Variants in DENND10 observed in about 807,000 individuals in gnomAD.
DENND10 encodes the protein DENN domain containing 10.
In DENND10, 24 loss-of-function variants were observed where a neutral mutation model predicts 43.6. That is an observed-to-expected ratio of 0.55 (90% confidence interval 0.40 to 0.77). DENND10 has a LOEUF of 0.77. Ranked by LOEUF, DENND10 falls within the 30% of genes least tolerant of loss-of-function variation. DENND10 has a pLI of 0.00. For synonymous variants in DENND10, 125 were observed against 157.6 expected, an observed-to-expected ratio of 0.79 and a Z score of 1.55; for missense variants, 303 against 429.9, an observed-to-expected ratio of 0.70 and a Z score of 2.61.
rs397845392 is a variant in DENND10 at position 119,115,382 on chromosome 10, A to ATTTTTTTTTTTTTTTTTTT, written c.333-2132_333-2114dup. ...CGTCAAGTTGTGAATTGAATTGGTA[A>ATTTTTTTTTTTTTTTTTTT]TTTTTTTTTTTTTTTTTTTTTTTGA... is the stretch of plus-strand genomic sequence containing the variant. On this transcript the variant is annotated intron_variant, in intron 3 of 8. Transcript: ENST00000361432. Among the ~76,000 whole-genome samples, 38 of 48,412 alleles carry ATTTTTTTTTTTTTTTTTTT rather than the reference A, an allele frequency of 7.8e-4. 5 individuals are homozygous for ATTTTTTTTTTTTTTTTTTT. Among genetic ancestry groups the ATTTTTTTTTTTTTTTTTTT allele is most frequent in the Admixed American group, 1.4e-3 (4 of 2,832 alleles). The allele number at this position is 48,412 out of a possible 152,430, so 31.8% of individuals were successfully genotyped here.
chr10:119,111,956 A>G (rs1180773078), intron 3 of DENND10, 28 bp downstream of exon 3: 1 of 1,502,016 alleles, frequency 6.7e-7, no homozygotes, highest in Non-Finnish European at 9.3e-7. Flanking sequence ...ATTAAATGCT[A>G]ATATACAAAA....
intron 7 of DENND10, among the ~76,000 whole-genome samples, chr10:119,130,496 C>T (rs553798813): frequency 3.2e-4 from 48 of 152,248 alleles, no homozygotes; most frequent in African/African-American, 1.1e-3. Flanking sequence ...CAGGGTTTCA[C>T]CATGTCGGCC....
Position 119,132,654 on chromosome 10 carries a change from T to A in DENND10, c.897+45T>A. ...ACTTACTGAAAGTCCTGACCCGGTGTCGCTGGGTGGTGTGCGGCAGAGCTG... is the reference window on the plus strand; with the variant it reads ...ACTTACTGAAAGTCCTGACCCGGTGACGCTGGGTGGTGTGCGGCAGAGCTG... On this transcript the variant is annotated intron_variant, in intron 8 of 8. Coordinates refer to ENST00000361432, the MANE Select transcript of DENND10 (RefSeq NM_207009.4). The surrounding 1 kb of genome is among the most constrained non-coding windows in gnomAD (Gnocchi z 4.2). The A allele has an allele frequency of 6.7e-6, 10 of 1,485,128 alleles. No individual in the cohort carries two copies. Among genetic ancestry groups the A allele is most frequent in the Non-Finnish European group, 8.5e-6 (9 of 1,061,984 alleles). The allele number at this position is 1,485,128 out of a possible 1,614,324, so 92.0% of individuals were successfully genotyped here.
chr10:119,137,331 AT>A lies in DENND10; in HGVS notation c.*687del, dbSNP rs755341036. ...GGCAAACGTTCAGCCATTAGCACTC[AT>A]TTAACCCTGTTAGCAATATTCTTTT... On this transcript the variant is annotated 3_prime_UTR_variant, in exon 9 of 9. Coordinates refer to ENST00000361432, the MANE Select transcript of DENND10 (RefSeq NM_207009.4). 1.4e-4 allele frequency: 23 copies of A among 162,628 alleles called. No homozygotes were observed. The South Asian group carries it at 2.5e-3, about 17-fold the overall frequency. 10.1% of individuals were successfully genotyped at this position (162,628 alleles called of 1,614,324 possible).
Position 119,136,566 on chromosome 10 carries a change from G to A in DENND10, c.993G>A (p.Ala331=), listed in dbSNP as rs758440914. 1.1e-5 allele frequency: 18 copies of A among 1,582,564 alleles called. 1 individual carries two copies. The highest frequency in any genetic ancestry group is 2.3e-5 in the South Asian group (2 of 86,248). The part of the protein sequence containing the change: ...DGEKRVLNLE[A]LKQKRFPPAT... ...AAAAGAGAGTCCTTAATTTGGAGGC[G>A]CTAAAGCAAAAACGATTTCCACCAG... Residue 331 remains alanine (A), a synonymous_variant, in exon 9 of 9, where the codon GCG becomes GCA. Coordinates refer to ENST00000361432, the MANE Select transcript of DENND10 (RefSeq NM_207009.4).
chr10:119,112,808 T>C lies in DENND10; in HGVS notation c.332+880T>C, dbSNP rs147109467. ...ACTCTTTTTTTATGTGTTAAAGATA[T>C]TAGCTCTTTCTTAATGATGAAGGCT... On this transcript the variant is annotated intron_variant, in intron 3 of 8. Transcript: ENST00000361432. Among the ~76,000 whole-genome samples, 152 of 148,624 alleles carry C rather than the reference T, an allele frequency of 1.0e-3. No homozygotes were observed. In the East Asian group the frequency reaches 0.029, roughly 28 times the overall value.
chr10:119,111,090 G>A (rs374006726), intron 2 of DENND10, among the ~76,000 whole-genome samples: 3 of 151,640 alleles, frequency 2.0e-5, no homozygotes, highest in Admixed American at 6.6e-5. Context: ...GTGAAACACT[G>A]TCTCTACTGA....
At chr10:119,119,151 T>A (rs1393523002) in intron 4 of DENND10, among the ~76,000 whole-genome samples, 2 of 152,146 alleles carry the variant, frequency 1.3e-5, no homozygotes, top group Non-Finnish European at 2.9e-5. Context: ...ATTACAGGCA[T>A]GTGCCACCAC....
intron 1 of DENND10, among the ~76,000 whole-genome samples, 178 bp from the exon 2 acceptor site, chr10:119,107,790 A>G (rs759613409): frequency 6.6e-6 from 1 of 152,226 alleles, no homozygotes; most frequent in Admixed American, 6.6e-5. Context: ...ATTCAGGATC[A>G]TGACAGCTAG....
In DENND10 at chr10:119,111,246, C is replaced by T. The variant is rs547388418; in HGVS notation, c.253-603C>T. ...TTACACCACTGCACTCCAGCCTGGGCGACAGAGCAAATGTCCCAAAAAAAA... is the reference window on the plus strand; with the variant it reads ...TTACACCACTGCACTCCAGCCTGGGTGACAGAGCAAATGTCCCAAAAAAAA... On this transcript the variant is annotated intron_variant, in intron 2 of 8. Transcript: ENST00000361432. Among the ~76,000 whole-genome samples, 19 of 120,396 alleles carry T rather than the reference C, an allele frequency of 1.6e-4. No individual in the cohort carries two copies. In the South Asian group the frequency reaches 4.8e-3, roughly 30 times the overall value. The allele number at this position is 120,396 out of a possible 152,430, so 79.0% of individuals were successfully genotyped here.
intron 2 of DENND10, among the ~76,000 whole-genome samples, chr10:119,111,513 T>C (rs1844975284): frequency 6.6e-6 from 1 of 152,064 alleles, no homozygotes; most frequent in Middle Eastern, 3.4e-3. Flanking sequence ...GTTGCTAAAT[T>C]GGTGAGTCTG....
intron 7 of DENND10, among the ~76,000 whole-genome samples, chr10:119,130,527 G>C (rs1431151006): frequency 1.3e-5 from 2 of 152,156 alleles, no homozygotes; most frequent in Non-Finnish European, 2.9e-5. Context: ...CGAATTCCTA[G>C]CCTCAAGTGA....
intron 7 of DENND10, among the ~76,000 whole-genome samples, chr10:119,129,940 A>C (rs1846006814): frequency 1.3e-5 from 2 of 152,138 alleles, no homozygotes. Context: ...TATTTTCTTA[A>C]TTTTGAAATG....
chr10:119,111,756 T>G (rs1485360083), intron 2 of DENND10, 93 bp from the exon 3 acceptor site: 4 of 962,112 alleles, frequency 4.2e-6, no homozygotes, highest in Non-Finnish European at 6.5e-6. Context: ...AATACTGTTG[T>G]GTCTTATACA....
At chr10:119,105,544 C>G (rs1047223141) in intron 1 of DENND10, 11 of 1,147,868 alleles carry the variant, frequency 9.6e-6, no homozygotes, top group Admixed American at 3.5e-5. Flanking sequence ...TGCTTCAAAA[C>G]AAAACCTAAG....
At chr10:119,119,981 C>T (rs1845481546) in intron 4 of DENND10, among the ~76,000 whole-genome samples, 2 of 152,128 alleles carry the variant, frequency 1.3e-5, no homozygotes, top group African/African-American at 4.8e-5. Context: ...GGTGCTGTGA[C>T]TCACACCTGT....
chr10:119,115,489 G>A (rs920579046), intron 3 of DENND10, among the ~76,000 whole-genome samples: 3 of 100,166 alleles, frequency 3.0e-5, no homozygotes, highest in Admixed American at 1.3e-4. Flanking sequence ...CCGGGTTCAC[G>A]CCATTCTCCT....
intron 7 of DENND10, 63 bp downstream of exon 7, chr10:119,129,685 G>C (rs1235968070): frequency 8.2e-7 from 1 of 1,222,840 alleles, no homozygotes; most frequent in African/African-American, 1.5e-5. Flanking sequence ...TTTTTAGGCT[G>C]ATTCTCTAAA....
intron 2 of DENND10, among the ~76,000 whole-genome samples, chr10:119,111,444 CA>C (rs201280720): frequency 0.014 from 1,850 of 135,822 alleles, 38 homozygotes; most frequent in African/African-American, 0.046. Flanking sequence ...GACCCCAACT[CA>C]AAAAAAAAAA....
Sources: allele counts gnomAD v4.1 joint callset (sites outside exome capture counted in the v4.1 genomes callset), GRCh38; gene constraint gnomAD v4.1.1; non-coding constraint Gnocchi (gnomAD v3.1); transcripts MANE v1.5; gene names NCBI Gene and HGNC (gene_info 2026-07-23, HGNC 2026-07-21).